The following RB1CC1 variants were observed in gnomAD, a reference collection of about 807,000 sequenced individuals.
The protein encoded by RB1CC1 is RB1-inducible coiled-coil protein 1.
RB1CC1 carries 46 observed loss-of-function variants against 177.5 expected under a neutral mutation model. That is an observed-to-expected ratio of 0.26 (90% CI 0.20 to 0.33). The LOEUF (loss-of-function observed/expected upper bound fraction) is 0.33. Among genes scored for constraint, RB1CC1 ranks in the 10% least tolerant of loss-of-function variants. The pLI, the probability that RB1CC1 is intolerant of heterozygous loss-of-function variation, is 1.00. For missense variants in RB1CC1, 1,703 were observed against 1,816.3 expected (o/e 0.94, Z 1.13); for synonymous variants, 666 against 613.6 (o/e 1.09, Z -1.26).
At chr8:52,650,618 A>G (rs1191452106) in intron 15 of RB1CC1, among the ~76,000 whole-genome samples, 2 of 152,156 alleles carry the variant, frequency 1.3e-5, no homozygotes, top group African/African-American at 4.8e-5. Context: ...TATAAGCTCA[A>G]TCCTGATACA....
intron 5 of RB1CC1, among the ~76,000 whole-genome samples, chr8:52,680,407 C>G (rs1254450313): frequency 6.6e-6 from 1 of 152,104 alleles, no homozygotes. Flanking sequence ...AATAGAATTA[C>G]CATGTAAATG....
chr8:52,630,695 T>G (rs551300576), intron 20 of RB1CC1, among the ~76,000 whole-genome samples, 167 bp from the exon 21 acceptor site: 1 of 152,144 alleles, frequency 6.6e-6, no homozygotes, highest in Non-Finnish European at 1.5e-5. Context: ...ATTTCAACCA[T>G]TAGTAAATTT....
intron 22 of RB1CC1, 113 bp from the exon 23 acceptor site, chr8:52,624,900 T>C (rs1179179448): frequency 7.0e-6 from 5 of 718,626 alleles, no homozygotes; most frequent in African/African-American, 3.8e-5. Context: ...TGGAAGAATA[T>C]GTAAGACTTT....
rs758830103 is a variant in RB1CC1, at chr8:52,623,777, A to G, written c.*5T>C. 98 of 1,581,792 alleles carry G rather than the reference A, an allele frequency of 6.2e-5. No homozygotes were observed. The highest frequency in any genetic ancestry group is 1.0e-4 in the Admixed American group (6 of 59,804). ...GTCATAGAATGTATTAATTTTGTCC[A>G]TAAGTTATACTTTCTTATTCCATGA... On this transcript the variant is annotated 3_prime_UTR_variant, in exon 24 of 24. Transcript: ENST00000025008.
intron 12 of RB1CC1, among the ~76,000 whole-genome samples, chr8:52,659,950 T>C (rs942324991): frequency 4.6e-5 from 7 of 152,178 alleles, no homozygotes; most frequent in African/African-American, 1.4e-4. Flanking sequence ...TGAGATGAGA[T>C]TGTGCCACTG....
Position 52,677,124 on chromosome 8 carries a change from T to C in RB1CC1, c.370-553A>G, listed in dbSNP as rs189965497. Among the ~76,000 whole-genome samples, 832 of 152,302 alleles carry C rather than the reference T, an allele frequency of 5.5e-3. 7 individuals carry two copies. Among genetic ancestry groups the C allele is most frequent in the African/African-American group, 0.019 (797 of 41,564 alleles). ...ATAAATTACAAGGCAGCAATGTAGA[T>C]TGCTTTATATATGGAGATATATAAA... On this transcript the variant is annotated intron_variant, in intron 5 of 23. Transcript: ENST00000025008.
Position 52,674,100 on chromosome 8 carries a change from T to A in RB1CC1, c.747A>T (p.Thr249=), listed in dbSNP as rs1852854068. 6.2e-7 allele frequency: 1 copy of A among 1,614,052 alleles called. No individual in the cohort carries two copies. Among genetic ancestry groups the A allele is most frequent in the Non-Finnish European group, 8.5e-7 (1 of 1,180,018 alleles). ...ELVLSPDMPR[T]TNESLLTSFP... ...ATGAGGTTAACAAAGATTCGTTAGTTGTTCTAGGCATATCAGGAGAGAGCA... is the reference window on the plus strand; with the variant it reads ...ATGAGGTTAACAAAGATTCGTTAGTAGTTCTAGGCATATCAGGAGAGAGCA... The change falls in exon 7 of 24, where the codon ACA becomes ACT. Residue 249 remains threonine, a synonymous_variant. Coordinates refer to ENST00000025008, the MANE Select transcript of RB1CC1 (RefSeq NM_014781.5).
Position 52,656,236 on chromosome 8 carries a change from A to G in RB1CC1, c.3593T>C (p.Ile1198Thr). ...TTCGTATTTCTCTTCTTGTTGGGTA[A>G]TTTTTTCATCTTTTTGTCTTTCAAG... ...SALERQKDEK[I>T]TQQEEKYEAI... Residue 1198 changes from isoleucine (I) to threonine (T), a missense_variant, in exon 15 of 24, where the codon ATT becomes ACT. By Grantham distance (89) the Ile-to-Thr change is moderately conservative. Coordinates refer to ENST00000025008, the MANE Select transcript of RB1CC1 (RefSeq NM_014781.5). 1 of 1,612,838 alleles carries G rather than the reference A, an allele frequency of 6.2e-7. No homozygotes were observed. The highest frequency in any genetic ancestry group is 8.5e-7 in the Non-Finnish European group (1 of 1,179,712).
At chr8:52,653,529 A>T (rs796323079) in intron 15 of RB1CC1, among the ~76,000 whole-genome samples, 9 of 152,282 alleles carry the variant, frequency 5.9e-5, no homozygotes, top group African/African-American at 2.2e-4. Context: ...CAGAGGCTTA[A>T]CTTACCAAGA....
At chr8:52,711,672 C>G (rs907673458) in intron 1 of RB1CC1, among the ~76,000 whole-genome samples, 1 of 152,220 alleles carries the variant, frequency 6.6e-6, no homozygotes, top group Non-Finnish European at 1.5e-5. Flanking sequence ...TCCAGCCATG[C>G]TGGGTTTACT....
At chr8:52,688,934 T>C (rs975331615) in intron 1 of RB1CC1, among the ~76,000 whole-genome samples, 2 of 152,094 alleles carry the variant, frequency 1.3e-5, no homozygotes, top group African/African-American at 4.8e-5. Flanking sequence ...GTTCCCCCAA[T>C]AGGATGTCAA....
chr8:52,669,249 T>C (rs932476873), intron 7 of RB1CC1, among the ~76,000 whole-genome samples: 8 of 152,368 alleles, frequency 5.3e-5, no homozygotes, highest in South Asian at 4.1e-4. Flanking sequence ...AAAGGCTTCA[T>C]TGATCTGATA....
At chr8:52,655,905 TAC>T (rs1489679530) in intron 15 of RB1CC1, 101 bp downstream of exon 15, 1 of 892,434 alleles carries the variant, frequency 1.1e-6, no homozygotes, top group African/African-American at 1.7e-5. Flanking sequence ...CCCTAGTTGC[TAC>T]ATTTACCCAA....
intron 12 of RB1CC1, among the ~76,000 whole-genome samples, chr8:52,659,424 A>G (rs1483909303): frequency 2.0e-5 from 3 of 152,094 alleles, no homozygotes; most frequent in South Asian, 4.2e-4. Flanking sequence ...TTTCCATTAC[A>G]TTTTCCAGAA....
At chr8:52,637,200 T>A (rs765561711) in intron 18 of RB1CC1, among the ~76,000 whole-genome samples, 2 of 152,208 alleles carry the variant, frequency 1.3e-5, no homozygotes, top group Non-Finnish European at 2.9e-5. Context: ...AGTCTTCCAG[T>A]CAGTAAACAC....
intron 12 of RB1CC1, among the ~76,000 whole-genome samples, chr8:52,659,413 T>A (rs555506284): frequency 1.3e-5 from 2 of 152,162 alleles, no homozygotes; most frequent in Non-Finnish European, 2.9e-5. Flanking sequence ...TTGCCTTGAC[T>A]TTTCCATTAC....
Position 52,699,435 on chromosome 8 carries a change from T to C in RB1CC1, c.-166-12468A>G, listed in dbSNP as rs373665686. ...AACAAGATTGGCCATGACGTGATGA[T>C]AACTGAATCAAAATGATGGGTACAT... On this transcript the variant is annotated intron_variant, in intron 1 of 23. Coordinates refer to ENST00000025008, the MANE Select transcript of RB1CC1 (RefSeq NM_014781.5). Among the ~76,000 whole-genome samples, 22 of 152,230 alleles carry C rather than the reference T, an allele frequency of 1.4e-4. 1 individual carries two copies. The highest frequency in any genetic ancestry group is 4.8e-4 in the African/African-American group (20 of 41,524).
chr8:52,659,369 A>AT (rs910625607), intron 12 of RB1CC1, among the ~76,000 whole-genome samples: 18 of 151,926 alleles, frequency 1.2e-4, no homozygotes, highest in African/African-American at 3.6e-4. Flanking sequence ...GCACACATGT[A>AT]TTTTTTTTCC....
intron 18 of RB1CC1, among the ~76,000 whole-genome samples, chr8:52,638,233 G>A (rs1403397564): frequency 6.6e-6 from 1 of 152,156 alleles, no homozygotes; most frequent in Non-Finnish European, 1.5e-5. Flanking sequence ...CATCTATTGA[G>A]ATAATCATGT....
Sources: gnomAD v4.1 joint callset for allele counts (sites outside exome capture counted in the v4.1 genomes callset) on GRCh38, gnomAD v4.1.1 for gene constraint, MANE v1.5 for transcripts, NCBI Gene and HGNC (gene_info 2026-07-23, HGNC 2026-07-21) for gene names.